Variants in SDC1 observed in about 807,000 individuals in gnomAD.
SDC1 encodes the protein syndecan-1.
SDC1 carries 14 observed loss-of-function variants against 29.7 expected under a neutral mutation model. That is an observed-to-expected ratio of 0.47 (90% CI 0.31 to 0.74). The LOEUF (loss-of-function observed/expected upper bound fraction) is 0.74, where lower values mean the gene tolerates loss of function less well. Among genes scored for constraint, SDC1 ranks in the 30% least tolerant of loss-of-function variants. SDC1 has a pLI of 0.05. For synonymous variants in SDC1, 204 were observed against 175.5 expected (o/e 1.16, Z -1.29); for missense variants, 406 against 400.3 (o/e 1.01, Z -0.12).
upstream of SDC1, chr2:20,225,373 A>T (rs915808136): frequency 6.6e-6 from 1 of 152,260 alleles, no homozygotes; most frequent in Non-Finnish European, 1.5e-5. Flanking sequence ...GGTGGGGCCG[A>T]GGCGCACCCC....
chr2:20,208,647 G>T lies in SDC1; in HGVS notation c.67-3223C>A, dbSNP rs555070354. The stretch of plus-strand genomic sequence containing the variant: ...TTTCCTTTAGCAGGCCTGCTGTGCT[G>T]ACAGCCGGCAGCAAACTCCCTCTAG... On this transcript the variant is annotated intron_variant, in intron 1 of 4. Transcript: ENST00000254351. Among the ~76,000 whole-genome samples the T allele has an allele frequency of 1.6e-4, 24 of 152,310 alleles. No individual in the cohort carries two copies. In the South Asian group the frequency reaches 4.8e-3, roughly 30 times the overall value.
Position 20,224,790 on chromosome 2 carries a change from G to A in SDC1, c.66+12C>T. The stretch of plus-strand genomic sequence containing the variant: ...CCCGCCGCCTCCCCGCCTGGCCGCC[G>A]GCCGCACTCACCGGCAGGGCCGGCT... On this transcript the variant is annotated intron_variant, in intron 1 of 4. Transcript: ENST00000254351. This position sits in a 1 kb window ranked among gnomAD's most constrained non-coding sequence, Gnocchi z 4.9. 7.7e-7 allele frequency: 1 copy of A among 1,306,376 alleles called. No homozygotes were observed. The highest frequency in any genetic ancestry group is 9.7e-7 in the Non-Finnish European group (1 of 1,027,038). 80.9% of individuals were successfully genotyped at this position (1,306,376 alleles called of 1,614,324 possible).
At chr2:20,207,399 C>T (rs1677311951) in intron 1 of SDC1, 18 of 984,998 alleles carry the variant, frequency 1.8e-5, no homozygotes, top group Non-Finnish European at 2.2e-5. Flanking sequence ...CAGTCACAGT[C>T]CACCATGGCC....
chr2:20,215,820 C>T (rs1369043583), intron 1 of SDC1, among the ~76,000 whole-genome samples: 1 of 152,194 alleles, frequency 6.6e-6, no homozygotes, highest in Non-Finnish European at 1.5e-5. Flanking sequence ...CTGTGCTCCT[C>T]CTGGCCTCCA....
chr2:20,223,303 C>A, intron 1 of SDC1: 1 of 1,292,980 alleles, frequency 7.7e-7, no homozygotes, highest in Non-Finnish European at 1.0e-6. Flanking sequence ...AAAACCAAAG[C>A]GCTCAATAAC....
At position 20,212,412 on chromosome 2, in the gene SDC1, C is replaced by T. The variant is rs56115929; in HGVS notation, c.67-6988G>A. On this transcript the variant is annotated intron_variant, in intron 1 of 4. Transcript: ENST00000254351. ...AGGAGACACTGGGCTCCCCCAGCCTCGGGGTTGTGGAGGAAGTGCTAGACA... is the reference window on the plus strand; with the variant it reads ...AGGAGACACTGGGCTCCCCCAGCCTTGGGGTTGTGGAGGAAGTGCTAGACA... Among the ~76,000 whole-genome samples, 4 of 152,204 alleles carry T rather than the reference C, an allele frequency of 2.6e-5. No individual in the cohort carries two copies. In the South Asian group the frequency reaches 6.2e-4, roughly 24 times the overall value.
intron 1 of SDC1, among the ~76,000 whole-genome samples, chr2:20,209,122 C>T (rs987841894): frequency 2.0e-5 from 3 of 152,106 alleles, no homozygotes; most frequent in African/African-American, 7.2e-5. Flanking sequence ...ACCCTGGGGA[C>T]CCTGGAGAGA....
intron 1 of SDC1, among the ~76,000 whole-genome samples, chr2:20,216,622 T>A (rs1440434055): frequency 1.3e-5 from 2 of 152,184 alleles, no homozygotes; most frequent in Non-Finnish European, 2.9e-5. Context: ...AATGCCACTC[T>A]GACACAATCA....
In SDC1 at chr2:20,202,529, T is replaced by C; in HGVS notation, c.*237A>G. 1 of 589,976 alleles carries C rather than the reference T, an allele frequency of 1.7e-6. No individual in the cohort carries two copies. The highest frequency in any genetic ancestry group is 3.0e-6 in the Non-Finnish European group (1 of 333,580). The allele number at this position is 589,976 out of a possible 1,614,324, so 36.5% of individuals were successfully genotyped here. ...ATGGTGCGATGCCAGGTGCTGGCTGTGGTGGAAAGGTCCTATGCGAGAAAC... is the reference window on the plus strand; with the variant it reads ...ATGGTGCGATGCCAGGTGCTGGCTGCGGTGGAAAGGTCCTATGCGAGAAAC... On this transcript the variant is annotated 3_prime_UTR_variant, in exon 5 of 5. Transcript: ENST00000254351.
chr2:20,212,095 G>A (rs1475560542), intron 1 of SDC1, among the ~76,000 whole-genome samples: 1 of 128,128 alleles, frequency 7.8e-6, no homozygotes, highest in Non-Finnish European at 1.7e-5. Flanking sequence ...CTGACAGGCT[G>A]GCCCCGCGGC....
Position 20,201,915 on chromosome 2 carries a change from C to G in SDC1, c.*851G>C. 4.1e-6 allele frequency: 1 copy of G among 243,046 alleles called. No homozygotes were observed. The highest frequency in any genetic ancestry group is 7.8e-6 in the Non-Finnish European group (1 of 127,810). The allele number at this position is 243,046 out of a possible 1,614,324, so 15.1% of individuals were successfully genotyped here. On this transcript the variant is annotated 3_prime_UTR_variant, in exon 5 of 5. Transcript: ENST00000254351. ...GGCCCTGAGCGCATGGACACAGGCA[C>G]GACTGCTTGAAAGAGGCGGCGGCCC...
rs137892154 is a variant in SDC1, at chr2:20,215,759, G to A, written c.66+9043C>T. On this transcript the variant is annotated intron_variant, in intron 1 of 4. Coordinates refer to ENST00000254351, the MANE Select transcript of SDC1 (RefSeq NM_002997.5). ...AAGAATCGTGCTCACGATGACACAG[G>A]GAGGAAGCAATGAAGTCCGGATGTG... is the stretch of plus-strand genomic sequence containing the variant. Among the ~76,000 whole-genome samples the A allele has an allele frequency of 3.9e-4, 59 of 152,338 alleles. No individual in the cohort carries two copies. The East Asian group carries it at 0.011, about 28-fold the overall frequency.
chr2:20,218,832 CAG>C (rs1395428174), intron 1 of SDC1, among the ~76,000 whole-genome samples: 1 of 152,014 alleles, frequency 6.6e-6, no homozygotes, highest in African/African-American at 2.4e-5. Flanking sequence ...CACACACACA[CAG>C]ACACACACAC....
chr2:20,216,473 C>T (rs1389490586), intron 1 of SDC1, among the ~76,000 whole-genome samples: 2 of 152,212 alleles, frequency 1.3e-5, no homozygotes, highest in South Asian at 2.1e-4. Context: ...GCTCCTGAAA[C>T]GCCCCACAAC....
rs1431327178 is a variant in SDC1 at position 20,224,034 on chromosome 2, G to A, written c.66+768C>T. Among the ~76,000 whole-genome samples the A allele has an allele frequency of 6.6e-6, 1 of 152,154 alleles. No individual in the cohort carries two copies. The highest frequency in any genetic ancestry group is 2.4e-5 in the African/African-American group (1 of 41,434). ...CGGGAGGCCATTCCCGGGTCCCCTC[G>A]CGTGGAAGGCGCCTGCGCCTCGGCC... On this transcript the variant is annotated intron_variant, in intron 1 of 4. Coordinates refer to ENST00000254351, the MANE Select transcript of SDC1 (RefSeq NM_002997.5). The surrounding 1 kb of genome is among the most constrained non-coding windows in gnomAD (Gnocchi z 4.9).
Position 20,203,110 on chromosome 2 carries a change from A to G in SDC1, c.740T>C (p.Leu247Pro), listed in dbSNP as rs1677091273. The G allele has an allele frequency of 6.2e-7, 1 of 1,611,360 alleles. No homozygotes were observed. The highest frequency in any genetic ancestry group is 1.7e-5 in the Admixed American group (1 of 59,890). Reference sequence around the variant, plus strand: ...ACCTCCCAGCACCTCTTTCCTGTCCAGGAGGCCCTGTGAGGCCCCCGTGGC... The same window carrying G: ...ACCTCCCAGCACCTCTTTCCTGTCCGGGAGGCCCTGTGAGGCCCCCGTGGC... Reference protein sequence around the residue: ...QGATGASQGLLDRKEVLGGVI... With the variant: ...QGATGASQGLPDRKEVLGGVI... The change falls in exon 4 of 5, where the codon CTG becomes CCG. Residue 247 changes from leucine to proline, a missense_variant. Transcript: ENST00000254351.
At chr2:20,204,334 G>A in intron 2 of SDC1, 43 bp from the exon 3 acceptor site, 2 of 1,381,870 alleles carry the variant, frequency 1.4e-6, no homozygotes, top group Non-Finnish European at 2.0e-6. Flanking sequence ...GTGGGGGGTG[G>A]GGAGGACCAG....
In SDC1 at chr2:20,224,833, G is replaced by A. The variant is rs1448274047; in HGVS notation, c.35C>T (p.Ala12Val). 7.8e-7 allele frequency: 1 copy of A among 1,287,590 alleles called. No individual in the cohort carries two copies. Among genetic ancestry groups the A allele is most frequent in the Non-Finnish European group, 9.8e-7 (1 of 1,019,950 alleles). The allele number at this position is 1,287,590 out of a possible 1,614,324, so 79.8% of individuals were successfully genotyped here. A position where few individuals can be genotyped will look rare whatever the true frequency, so the allele number is the denominator to read the frequency against. The change falls in exon 1 of 5, where the codon GCG (alanine) becomes GTG (valine). Residue 12 changes from alanine to valine, a missense_variant. Ala to Val is a moderately conservative substitution (Grantham distance 64, BLOSUM62 0). Transcript: ENST00000254351. This position sits in a 1 kb window ranked among gnomAD's most constrained non-coding sequence, Gnocchi z 4.9. ...GGCCGGCTGCAGGCTCAGCGCCAGC[G>A]CGCACAGCCAGAGCCAGAGCGCCGC... ...RRAALWLWLC[A>V]LALSLQPALP...
chr2:20,202,625 C>T lies in SDC1; in HGVS notation c.*141G>A, dbSNP rs1004188908. The T allele has an allele frequency of 2.6e-5, 21 of 813,066 alleles. No individual in the cohort carries two copies. Among genetic ancestry groups the T allele is most frequent in the East Asian group, 2.5e-5 (1 of 40,344 alleles). 50.4% of individuals were successfully genotyped at this position (813,066 alleles called of 1,614,324 possible). A position where few individuals can be genotyped will look rare whatever the true frequency, so the allele number is the denominator to read the frequency against. On this transcript the variant is annotated 3_prime_UTR_variant, in exon 5 of 5. Transcript: ENST00000254351. ...GAGCTCCCAGCACACCCCACGACTC[C>T]GTGGGCAGGAGCGACCAGAGGGGCT... is the stretch of plus-strand genomic sequence containing the variant.
Sources: allele counts gnomAD v4.1 joint callset (sites outside exome capture counted in the v4.1 genomes callset), GRCh38; gene constraint gnomAD v4.1.1; non-coding constraint Gnocchi (gnomAD v3.1); transcripts MANE v1.5; gene names NCBI Gene and HGNC (gene_info 2026-07-23, HGNC 2026-07-21).